The following ARIH1 variants were observed in gnomAD, a reference collection of about 807,000 sequenced individuals.
ARIH1 encodes the protein E3 ubiquitin-protein ligase ARIH1.
A neutral mutation model predicts 85.0 loss-of-function variants in ARIH1; 8 were observed. The observed-to-expected ratio is 0.09, with a 90% CI of 0.06 to 0.17. The LOEUF (loss-of-function observed/expected upper bound fraction) is 0.17. Among genes scored for constraint, ARIH1 ranks in the 10% least tolerant of loss-of-function variants. The pLI is 1.00. For missense variants in ARIH1, 311 were observed against 718.1 expected (o/e 0.43, Z 6.48); for synonymous variants, 238 against 253.6 (o/e 0.94, Z 0.59).
rs183861408 is a variant in ARIH1, at chr15:72,550,680, A to G, written c.589-4591A>G. On this transcript the variant is annotated intron_variant, in intron 3 of 13. Coordinates refer to ENST00000379887, the MANE Select transcript of ARIH1 (RefSeq NM_005744.5). Reference sequence around the variant, plus strand: ...GGACTGATACACTTCATATATATATATATTTTAATGAGATGAAGTCTCACT... The same window carrying G: ...GGACTGATACACTTCATATATATATGTATTTTAATGAGATGAAGTCTCACT... 3.5e-3 allele frequency among the ~76,000 whole-genome samples: 525 copies of G among 150,818 alleles called. 15 individuals are homozygous for G. The highest frequency in any genetic ancestry group is 0.031 in the Admixed American group (479 of 15,248).
rs561874556 is a variant in ARIH1, at chr15:72,515,514, A to G, written c.376-2553A>G. 2.0e-3 allele frequency among the ~76,000 whole-genome samples: 301 copies of G among 152,288 alleles called. 2 individuals are homozygous for G. Among genetic ancestry groups the G allele is most frequent in the Non-Finnish European group, 3.7e-3 (253 of 68,034 alleles). On this transcript the variant is annotated intron_variant, in intron 1 of 13. Transcript: ENST00000379887. ...TGGTAGTTTAGATTCTATCGCGGAC[A>G]TTTTGAATATTGTATTGTGAGATTC...
intron 1 of ARIH1, 86 bp downstream of exon 1, chr15:72,475,100 G>T (rs1389210080): frequency 6.6e-7 from 1 of 1,515,798 alleles, no homozygotes; most frequent in Non-Finnish European, 8.9e-7. Context: ...GACAGGCCTG[G>T]GCCTGGTGCG....
chr15:72,532,492 A>G (rs537422396), intron 2 of ARIH1, among the ~76,000 whole-genome samples: 1 of 152,354 alleles, frequency 6.6e-6, no homozygotes, highest in South Asian at 2.1e-4. Flanking sequence ...AAGTTCTACC[A>G]TAACATTTAA....
At chr15:72,559,686 A>G (rs955651964) in intron 5 of ARIH1, among the ~76,000 whole-genome samples, 9 of 152,200 alleles carry the variant, frequency 5.9e-5, no homozygotes, top group Non-Finnish European at 1.3e-4. Context: ...TTAAGCAGTC[A>G]TTCGCTATTC....
intron 10 of ARIH1, among the ~76,000 whole-genome samples, chr15:72,570,762 T>C (rs1046819679): frequency 2.0e-5 from 3 of 152,238 alleles, no homozygotes; most frequent in African/African-American, 7.2e-5. Context: ...TAAAAGGCTT[T>C]GTCATATTTT....
intron 1 of ARIH1, among the ~76,000 whole-genome samples, chr15:72,479,778 G>A (rs1053693663): frequency 2.2e-4 from 33 of 152,106 alleles, no homozygotes; most frequent in Admixed American, 1.8e-3. Flanking sequence ...TGGTTCGAAA[G>A]CTGTATTTCA....
In ARIH1 at chr15:72,587,162, AT is replaced by A. The variant is rs891303919; in HGVS notation, c.*3871del. ...TTGCCATTTTTTATAAAGGAGGAAG[AT>A]AAGGCTCACTGAGGTTAAATAACTC... On this transcript the variant is annotated 3_prime_UTR_variant, in exon 14 of 14. Transcript: ENST00000379887. 3.3e-5 allele frequency: 16 copies of A among 484,722 alleles called. No individual in the cohort carries two copies. The highest frequency in any genetic ancestry group is 3.1e-4 in the Admixed American group (14 of 44,630). The allele number at this position is 484,722 out of a possible 1,614,324, so 30.0% of individuals were successfully genotyped here. A position where few individuals can be genotyped will look rare whatever the true frequency, so the allele number is the denominator to read the frequency against.
At chr15:72,565,427 G>A (rs2064215212) in intron 7 of ARIH1, among the ~76,000 whole-genome samples, 1 of 151,870 alleles carries the variant, frequency 6.6e-6, no homozygotes, top group Non-Finnish European at 1.5e-5. Flanking sequence ...TTTGGAGGGG[G>A]AAATATTTTA....
chr15:72,558,265 A>C (rs2140430532), intron 5 of ARIH1, among the ~76,000 whole-genome samples: 1 of 152,244 alleles, frequency 6.6e-6, no homozygotes, highest in South Asian at 2.1e-4. Context: ...CTTTATTGAA[A>C]GCTTTTTCTG....
intron 1 of ARIH1, among the ~76,000 whole-genome samples, chr15:72,496,476 A>G (rs2063880871): frequency 6.6e-6 from 1 of 152,222 alleles, no homozygotes; most frequent in Admixed American, 6.5e-5. Context: ...TAGTTTATGT[A>G]CCAAAGAGCA....
intron 13 of ARIH1, 141 bp from the exon 14 acceptor site, chr15:72,583,067 C>T: frequency 3.3e-6 from 2 of 607,566 alleles, no homozygotes; most frequent in East Asian, 5.5e-5. Context: ...TAGACCTGAA[C>T]ATGTGCCTAT....
In ARIH1 at chr15:72,510,736, CAAAAAAAAAAAAAAAAAAA is replaced by C. The variant is rs57834481; in HGVS notation, c.376-7315_376-7297del. ...TGGGCAACAGAGCAAGACTCTGACT[CAAAAAAAAAAAAAAAAAAA>C]AAAAAAAAAAAAAAAGACTTTTTCC... is the stretch of plus-strand genomic sequence containing the variant. On this transcript the variant is annotated intron_variant, in intron 1 of 13. Transcript: ENST00000379887. Among the ~76,000 whole-genome samples, 20 of 26,726 alleles carry C rather than the reference CAAAAAAAAAAAAAAAAAAA, an allele frequency of 7.5e-4. 1 individual carries two copies. Among genetic ancestry groups the C allele is most frequent in the East Asian group, 5.7e-3 (4 of 700 alleles). The allele number at this position is 26,726 out of a possible 152,430, so 17.5% of individuals were successfully genotyped here. A position where few individuals can be genotyped will look rare whatever the true frequency, so the allele number is the denominator to read the frequency against.
At chr15:72,573,032 A>G (rs2064255484) in intron 11 of ARIH1, among the ~76,000 whole-genome samples, 1 of 152,230 alleles carries the variant, frequency 6.6e-6, no homozygotes, top group Admixed American at 6.5e-5. Flanking sequence ...AATAGTTCCT[A>G]CATTCACCCA....
At chr15:72,475,078 G>A in intron 1 of ARIH1, 64 bp downstream of exon 1, 2 of 1,538,724 alleles carry the variant, frequency 1.3e-6, no homozygotes. Context: ...GGCGGCACGC[G>A]CGGTCCCGAG....
chr15:72,475,302 TG>T lies in ARIH1; in HGVS notation c.375+291del. 6 of 461,516 alleles carry T rather than the reference TG, an allele frequency of 1.3e-5. No individual in the cohort carries two copies. In the South Asian group the frequency reaches 2.0e-4, roughly 15 times the overall value. 28.6% of individuals were successfully genotyped at this position (461,516 alleles called of 1,614,324 possible). On this transcript the variant is annotated intron_variant, in intron 1 of 13. Coordinates refer to ENST00000379887, the MANE Select transcript of ARIH1 (RefSeq NM_005744.5). Reference sequence around the variant, plus strand: ...CTTGCGGGCAATTTCTGCCAGTCCCTGGGCCGGGTGTCCTTTCTCTGGCCGG... The same window carrying T: ...CTTGCGGGCAATTTCTGCCAGTCCCTGGCCGGGTGTCCTTTCTCTGGCCGG...
intron 1 of ARIH1, among the ~76,000 whole-genome samples, chr15:72,482,651 A>C (rs928790261): frequency 1.3e-5 from 2 of 152,150 alleles, no homozygotes; most frequent in Non-Finnish European, 2.9e-5. Flanking sequence ...ACCTGTGGTA[A>C]CTATGTAGAT....
intron 11 of ARIH1, among the ~76,000 whole-genome samples, chr15:72,579,918 GC>G (rs372540008): frequency 2.6e-5 from 4 of 152,108 alleles, no homozygotes; most frequent in African/African-American, 9.6e-5. Context: ...TTGTTGTATT[GC>G]CTTGCCTTAA....
chr15:72,537,395 T>G (rs558139300), intron 2 of ARIH1, among the ~76,000 whole-genome samples: 172 of 152,268 alleles, frequency 1.1e-3, no homozygotes, highest in Non-Finnish European at 2.1e-3. Flanking sequence ...TTTTTAAAAG[T>G]CCAATAGTTT....
intron 1 of ARIH1, among the ~76,000 whole-genome samples, chr15:72,481,928 C>T (rs2063818092): frequency 6.6e-6 from 1 of 152,070 alleles, no homozygotes; most frequent in Non-Finnish European, 1.5e-5. Flanking sequence ...CCTTCGCCTG[C>T]TGGGTTCAAG....
Sources: gnomAD v4.1 joint callset for allele counts (sites outside exome capture counted in the v4.1 genomes callset) on GRCh38, gnomAD v4.1.1 for gene constraint, MANE v1.5 for transcripts, NCBI Gene and HGNC (gene_info 2026-07-23, HGNC 2026-07-21) for gene names.